The following SMARCA2 variants were observed in gnomAD, a reference collection of about 807,000 sequenced individuals.
SMARCA2 encodes the protein SWI/SNF-related matrix-associated actin-dependent regulator of chromatin subfamily A member 2.
In SMARCA2, 61 loss-of-function variants were observed where a neutral mutation model predicts 199.8. The ratio of observed to expected loss-of-function variants is 0.31; its 90% CI spans 0.25 to 0.38. The LOEUF (loss-of-function observed/expected upper bound fraction) is 0.38, where lower values mean the gene tolerates loss of function less well. Among genes scored for constraint, SMARCA2 ranks in the 10% least tolerant of loss-of-function variants. The pLI, the probability that SMARCA2 is intolerant of heterozygous loss-of-function variation, is 1.00. For synonymous variants in SMARCA2, 935 were observed against 732.0 expected (o/e 1.28, Z -4.48); for missense variants, 1,344 against 2,012.2 (o/e 0.67, Z 6.35).
intron 27 of SMARCA2, among the ~76,000 whole-genome samples, chr9:2,140,862 A>G (rs1356859706): frequency 6.6e-6 from 1 of 151,828 alleles, no homozygotes; most frequent in African/African-American, 2.4e-5. Flanking sequence ...ATGTCTTTCC[A>G]TTTGGTTGAG....
At chr9:2,154,955 G>A (rs1271505830) in intron 27 of SMARCA2, among the ~76,000 whole-genome samples, 3 of 152,116 alleles carry the variant, frequency 2.0e-5, no homozygotes, top group Non-Finnish European at 4.4e-5. Context: ...TGATGATCTC[G>A]GAATAGGAAA....
chr9:2,173,423 G>A (rs530926734), intron 29 of SMARCA2, among the ~76,000 whole-genome samples: 40 of 152,296 alleles, frequency 2.6e-4, no homozygotes, highest in Non-Finnish European at 4.4e-4. Context: ...TAGCTCTCAA[G>A]CCCAAGCACC....
intron 18 of SMARCA2, chr9:2,087,314 C>T (rs992453479): frequency 9.5e-5 from 48 of 505,462 alleles, no homozygotes; most frequent in Non-Finnish European, 1.5e-4. Flanking sequence ...GTTTACCAGG[C>T]TACCAGAAAA....
chr9:2,150,644 T>C (rs1825016599), intron 27 of SMARCA2, among the ~76,000 whole-genome samples: 1 of 151,608 alleles, frequency 6.6e-6, no homozygotes, highest in South Asian at 2.1e-4. Context: ...CTGGATATAG[T>C]TAAACACCAG....
At chr9:2,134,916 C>T (rs935032503) in intron 27 of SMARCA2, among the ~76,000 whole-genome samples, 2 of 152,042 alleles carry the variant, frequency 1.3e-5, no homozygotes, top group Admixed American at 6.5e-5. Flanking sequence ...TTCCAGCCTC[C>T]GAAACTGAGA....
intron 19 of SMARCA2, among the ~76,000 whole-genome samples, chr9:2,092,726 C>T (rs942829177): frequency 6.6e-6 from 1 of 152,188 alleles, no homozygotes; most frequent in African/African-American, 2.4e-5. Flanking sequence ...TACATGAGGT[C>T]AGCACCTCAG....
chr9:2,119,785 A>G lies in SMARCA2; in HGVS notation c.3762+250A>G, dbSNP rs116780349. Among the ~76,000 whole-genome samples, 1,383 of 152,342 alleles carry G rather than the reference A, an allele frequency of 9.1e-3. 16 individuals are homozygous for G. Among genetic ancestry groups the G allele is most frequent in the African/African-American group, 0.031 (1,283 of 41,588 alleles). ...GAATCCTGATTTCTGGCTTCTCTTGAAAAATGAGATCGGGCAGTACCAGGC... is the reference window on the plus strand; with the variant it reads ...GAATCCTGATTTCTGGCTTCTCTTGGAAAATGAGATCGGGCAGTACCAGGC... On this transcript the variant is annotated intron_variant, in intron 26 of 33. Coordinates refer to ENST00000349721, the MANE Select transcript of SMARCA2 (RefSeq NM_003070.5). The surrounding 1 kb of genome is among the most constrained non-coding windows in gnomAD (Gnocchi z 4.6).
In SMARCA2 at chr9:2,163,710, T is replaced by C. The variant is rs115477624; in HGVS notation, c.4199+1807T>C. On this transcript the variant is annotated intron_variant, in intron 28 of 33. Coordinates refer to ENST00000349721, the MANE Select transcript of SMARCA2 (RefSeq NM_003070.5). ...GGGCTGTGATGTGTGACAGGCATTT[T>C]GTTCATTACTTGCTGAGTGAGTCAA... Among the ~76,000 whole-genome samples the C allele has an allele frequency of 6.3e-3, 965 of 152,310 alleles. 12 individuals carry two copies. The highest frequency in any genetic ancestry group is 0.022 in the African/African-American group (922 of 41,564).
intron 1 of SMARCA2, among the ~76,000 whole-genome samples, chr9:2,027,194 C>T (rs1297117567): frequency 6.6e-6 from 1 of 152,126 alleles, no homozygotes; most frequent in African/African-American, 2.4e-5. Context: ...GTAATCCCAG[C>T]GGTTTGGGAG....
rs372188223 is a variant in SMARCA2 at position 2,120,056 on chromosome 9, G to C, written c.3762+521G>C. Reference sequence around the variant, plus strand: ...TGGACAACAGCTAAAACAACACACAGGTGTGCCTTTTCAGATTGTTGACGA... The same window carrying C: ...TGGACAACAGCTAAAACAACACACACGTGTGCCTTTTCAGATTGTTGACGA... On this transcript the variant is annotated intron_variant, in intron 26 of 33. Coordinates refer to ENST00000349721, the MANE Select transcript of SMARCA2 (RefSeq NM_003070.5). Among the ~76,000 whole-genome samples the C allele has an allele frequency of 1.2e-4, 19 of 152,324 alleles. No individual in the cohort carries two copies. In the East Asian group the frequency reaches 1.7e-3, roughly 14 times the overall value.
chr9:2,151,130 T>A (rs1825048391), intron 27 of SMARCA2, among the ~76,000 whole-genome samples: 1 of 151,496 alleles, frequency 6.6e-6, no homozygotes, highest in South Asian at 2.1e-4. Context: ...ACATGACACA[T>A]GTACATTTTG....
Position 2,170,327 on chromosome 9 carries a change from C to A in SMARCA2, c.4200-92C>A. On this transcript the variant is annotated intron_variant, in intron 28 of 33. Coordinates refer to ENST00000349721, the MANE Select transcript of SMARCA2 (RefSeq NM_003070.5). This position sits in a 1 kb window ranked among gnomAD's most constrained non-coding sequence, Gnocchi z 4.7. ...AGGCAGGTTGGTGAGGAGACTGAGG[C>A]TTGGCCAGGTCACCCAGCCTAGGAA... The A allele has an allele frequency of 6.4e-7, 1 of 1,556,578 alleles. No homozygotes were observed. The highest frequency in any genetic ancestry group is 8.8e-7 in the Non-Finnish European group (1 of 1,140,452).
chr9:2,088,687 A>G, intron 19 of SMARCA2, 74 bp downstream of exon 19: 1 of 1,008,162 alleles, frequency 9.9e-7, no homozygotes, highest in Non-Finnish European at 1.5e-6. Context: ...TGCCTCTGAA[A>G]TTGTGTTTCT....
intron 12 of SMARCA2, chr9:2,075,490 C>T (rs529265785): frequency 2.0e-5 from 3 of 152,254 alleles, no homozygotes; most frequent in South Asian, 2.1e-4. Flanking sequence ...GGTATTGAAT[C>T]CTTCGCCAAG....
intron 10 of SMARCA2, 120 bp downstream of exon 10, chr9:2,070,591 T>C (rs1007341246): frequency 1.5e-5 from 10 of 687,954 alleles, no homozygotes; most frequent in Admixed American, 1.3e-4. Context: ...TAAGTAAAAA[T>C]AGTAATACAT....
At chr9:2,027,139 T>G (rs1198780513) in intron 1 of SMARCA2, among the ~76,000 whole-genome samples, 1 of 152,218 alleles carries the variant, frequency 6.6e-6, no homozygotes, top group East Asian at 1.9e-4. Flanking sequence ...CTCTGTGGTT[T>G]TTATTTATAA....
At chr9:2,019,412 T>C (rs1341161838) in intron 1 of SMARCA2, among the ~76,000 whole-genome samples, 3 of 152,000 alleles carry the variant, frequency 2.0e-5, no homozygotes, top group Non-Finnish European at 4.4e-5. Flanking sequence ...TCTTTTCTTT[T>C]GTTCGTTTGT....
chr9:2,122,358 T>C (rs943689929), intron 26 of SMARCA2, among the ~76,000 whole-genome samples: 3 of 152,090 alleles, frequency 2.0e-5, no homozygotes, highest in Non-Finnish European at 2.9e-5. Flanking sequence ...CTCTAATAAC[T>C]ATTAGGAGGT....
intron 1 of SMARCA2, among the ~76,000 whole-genome samples, chr9:2,021,391 T>C (rs922980348): frequency 3.9e-5 from 6 of 152,232 alleles, no homozygotes; most frequent in African/African-American, 1.4e-4. Context: ...CGTCATATGT[T>C]GGCTTACAGG....
Sources: allele counts gnomAD v4.1 joint callset (sites outside exome capture counted in the v4.1 genomes callset), GRCh38; gene constraint gnomAD v4.1.1; non-coding constraint Gnocchi (gnomAD v3.1); transcripts MANE v1.5; gene names NCBI Gene and HGNC (gene_info 2026-07-23, HGNC 2026-07-21).